NUP210: variants seen among roughly 807,000 people sequenced by gnomAD.
NUP210 encodes nucleoporin 210, also known as nuclear pore membrane glycoprotein 210.
A neutral mutation model predicts 196.0 loss-of-function variants in NUP210; 151 were observed. The ratio of observed to expected loss-of-function variants is 0.77; its 90% CI spans 0.67 to 0.88. The LOEUF (loss-of-function observed/expected upper bound fraction) is 0.88. Among genes scored for constraint, NUP210 ranks in the 40% least tolerant of loss-of-function variants. The pLI, the probability that NUP210 is intolerant of heterozygous loss-of-function variation, is 0.00. For synonymous variants in NUP210, 1,070 were observed against 1,052.7 expected (o/e 1.02, Z -0.32); for missense variants, 2,314 against 2,493.7 (o/e 0.93, Z 1.53).
chr3:13,330,619 A>G lies in NUP210; in HGVS notation c.3951T>C (p.Ser1317=). 1 of 1,614,118 alleles carries G rather than the reference A, an allele frequency of 6.2e-7. No individual in the cohort carries two copies. Among genetic ancestry groups the G allele is most frequent in the Non-Finnish European group, 8.5e-7 (1 of 1,179,986 alleles). ...GTCCATCCAGGACGCGGTAGCTCAG[A>G]GAGGCTGCACCATCCCTTTGGAAAA... is the stretch of plus-strand genomic sequence containing the variant. The part of the protein sequence containing the change: ...KLQTNRDGAA[S]LSYRVLDGPE... The change falls in exon 30 of 40, where the codon TCT becomes TCC. Residue 1317 remains serine (S), a synonymous_variant. Coordinates refer to ENST00000254508, the MANE Select transcript of NUP210 (RefSeq NM_024923.4).
intron 3 of NUP210, among the ~76,000 whole-genome samples, chr3:13,393,310 C>T (rs1699550385): frequency 6.6e-6 from 1 of 152,154 alleles, no homozygotes; most frequent in South Asian, 2.1e-4. Flanking sequence ...GGGAGAGAAT[C>T]ATGCCTGCAG....
chr3:13,337,857 G>T lies in NUP210; in HGVS notation c.3532C>A (p.Arg1178=), dbSNP rs201803331. 8 of 1,611,706 alleles carry T rather than the reference G, an allele frequency of 5.0e-6. No individual in the cohort carries two copies. The highest frequency in any genetic ancestry group is 2.2e-5 in the East Asian group (1 of 44,872). The part of the protein sequence containing the change: ...RAVRIRAPIM[R]MRTGTQMPIY... ...CTCACCTGGGTGCCCGTCCTCATCC[G>T]CATGATGGGGGCGCGGATCCTCACG... Residue 1178 remains arginine, a synonymous_variant, in exon 26 of 40, where the codon CGG becomes AGG. Transcript: ENST00000254508.
At chr3:13,411,389 AGCTGTGAG>A (rs1207912334) in intron 1 of NUP210, among the ~76,000 whole-genome samples, 1 of 152,244 alleles carries the variant, frequency 6.6e-6, no homozygotes, top group Non-Finnish European at 1.5e-5. Context: ...GCCACTAACC[AGCTGTGAG>A]GCTCTTGGAC....
chr3:13,369,954 T>C (rs960975392), intron 13 of NUP210, among the ~76,000 whole-genome samples: 2 of 152,142 alleles, frequency 1.3e-5, no homozygotes, highest in Admixed American at 6.5e-5. Context: ...CTCAGAGCCA[T>C]GATCAGAGTC....
At position 13,375,562 on chromosome 3, in the gene NUP210, G is replaced by C; in HGVS notation, c.1373C>G (p.Pro458Arg). 6.2e-7 allele frequency: 1 copy of C among 1,614,100 alleles called. No individual in the cohort carries two copies. The highest frequency in any genetic ancestry group is 1.1e-5 in the South Asian group (1 of 91,076). ...TTGCCACGGAAATGTCAAGATGCTG[G>C]GATACAGGGTGATCGGGATGTGAAT... is the stretch of plus-strand genomic sequence containing the variant. Reference protein sequence around the residue: ...VEIHIPITLYPSILTFPWQPK... With the variant: ...VEIHIPITLYRSILTFPWQPK... The change falls in exon 11 of 40, where the codon CCC (proline) becomes CGC (arginine). Residue 458 changes from proline (P) to arginine (R), a missense_variant. Transcript: ENST00000254508.
rs1350706625 is a variant in NUP210, at chr3:13,322,482, C to G, written c.4769-143G>C. 3.7e-6 allele frequency: 3 copies of G among 812,212 alleles called. No individual in the cohort carries two copies. In the African/African-American group the frequency reaches 5.1e-5, roughly 14 times the overall value. 50.3% of individuals were successfully genotyped at this position (812,212 alleles called of 1,614,324 possible). On this transcript the variant is annotated intron_variant, in intron 34 of 39. Transcript: ENST00000254508. ...AGCAGGGCCCCAGGGCGGCTCAAAG[C>G]TTTGAGATGCAGCCAGGATTGGTAA...
chr3:13,332,364 C>T lies in NUP210; in HGVS notation c.3864G>A (p.Leu1288=), dbSNP rs961636730. 3 of 1,613,294 alleles carry T rather than the reference C, an allele frequency of 1.9e-6. No homozygotes were observed. The African/African-American group carries it at 4.0e-5, about 22-fold the overall frequency. The change falls in exon 29 of 40, where the codon CTG becomes CTA. Residue 1288 remains leucine, a synonymous_variant. Transcript: ENST00000254508. ...IQVQVFEKLQ[L]LNPEIEAEQI... ...GTTCTGCTTCTATTTCAGGGTTGAG[C>T]AGCTGCAGCTTCTCAAACACCTGCA...
chr3:13,404,600 G>C (rs1217014886), intron 1 of NUP210, among the ~76,000 whole-genome samples: 2 of 152,270 alleles, frequency 1.3e-5, no homozygotes, highest in Non-Finnish European at 2.9e-5. Flanking sequence ...TAGGAAAACG[G>C]GACTGGTTTA....
intron 20 of NUP210, 39 bp from the exon 21 acceptor site, chr3:13,343,342 G>GGGGGGGGGGGT: frequency 6.1e-6 from 4 of 655,992 alleles, no homozygotes; most frequent in South Asian, 1.7e-5. Flanking sequence ...TGGGTGGTGG[G>GGGGGGGGGGGT]TTACGCAGCT....
At chr3:13,397,630 A>C in intron 2 of NUP210, 142 bp from the exon 3 acceptor site, 13 of 763,442 alleles carry the variant, frequency 1.7e-5, no homozygotes, top group Non-Finnish European at 2.3e-5. Flanking sequence ...TGCCTCACAC[A>C]TGGCCCCACT....
At chr3:13,356,510 G>A (rs1169368253) in intron 16 of NUP210, among the ~76,000 whole-genome samples, 4 of 152,184 alleles carry the variant, frequency 2.6e-5, no homozygotes, top group Non-Finnish European at 5.9e-5. Flanking sequence ...GGGTGTGGTG[G>A]CGCATGCCTG....
At position 13,379,590 on chromosome 3, in the gene NUP210, G is replaced by T; in HGVS notation, c.949C>A (p.Gln317Lys). The T allele has an allele frequency of 6.2e-7, 1 of 1,614,150 alleles. No homozygotes were observed. Among genetic ancestry groups the T allele is most frequent in the African/African-American group, 1.3e-5 (1 of 75,034 alleles). ...CTGTGGCCAAGGACGAGGCTGCTCT[G>T]TCCCAGCTGCAGTGCAGTGACCATC... ...TSMVTALQLG[Q>K]SSLVLGHRSI... Residue 317 changes from glutamine to lysine, a missense_variant, in exon 7 of 40, where the codon CAG (glutamine) becomes AAG (lysine). Coordinates refer to ENST00000254508, the MANE Select transcript of NUP210 (RefSeq NM_024923.4). This position sits in a 1 kb window ranked among gnomAD's most constrained non-coding sequence, Gnocchi z 4.2.
At chr3:13,353,196 G>A (rs1698041409) in intron 18 of NUP210, among the ~76,000 whole-genome samples, 1 of 152,124 alleles carries the variant, frequency 6.6e-6, no homozygotes, top group African/African-American at 2.4e-5. Context: ...GCCTCATCCT[G>A]GCATTTAGGG....
At chr3:13,378,210 C>T (rs989557155) in intron 8 of NUP210, among the ~76,000 whole-genome samples, 6 of 150,672 alleles carry the variant, frequency 4.0e-5, no homozygotes, top group African/African-American at 1.2e-4. Context: ...CACAACAGTT[C>T]TCTGCTTTGA....
chr3:13,396,465 T>C (rs1699657808), intron 3 of NUP210, among the ~76,000 whole-genome samples: 3 of 151,826 alleles, frequency 2.0e-5, no homozygotes. Flanking sequence ...TTTCCCTTAC[T>C]GGCCAGGTGC....
At chr3:13,326,844 C>A (rs1362804645) in intron 32 of NUP210, among the ~76,000 whole-genome samples, 1 of 152,252 alleles carries the variant, frequency 6.6e-6, no homozygotes, top group South Asian at 2.1e-4. Context: ...GGGACCCCCC[C>A]ACCGACTTGG....
intron 1 of NUP210, among the ~76,000 whole-genome samples, chr3:13,419,290 G>A (rs1700453509): frequency 6.6e-6 from 1 of 152,324 alleles, no homozygotes; most frequent in East Asian, 1.9e-4. Flanking sequence ...CCTTGCCAGG[G>A]GCAGGAGCTC....
At position 13,323,504 on chromosome 3, in the gene NUP210, C is replaced by T; in HGVS notation, c.4645-72G>A. ...GGTCCATGCTGGGCGTTTCCACAAC[C>T]TCACCCTGCAGTCTGTGACATAGTG... On this transcript the variant is annotated intron_variant, in intron 33 of 39. Transcript: ENST00000254508. This position sits in a 1 kb window ranked among gnomAD's most constrained non-coding sequence, Gnocchi z 4.3. The T allele has an allele frequency of 6.4e-7, 1 of 1,554,974 alleles. No homozygotes were observed. The highest frequency in any genetic ancestry group is 8.8e-7 in the Non-Finnish European group (1 of 1,134,426).
intron 6 of NUP210, among the ~76,000 whole-genome samples, chr3:13,381,183 T>C (rs11707261): frequency 0.59 from 89,222 of 152,176 alleles, 27,494 homozygotes; most frequent in African/African-American, 0.78. Context: ...TAAAATAACA[T>C]AGTTGCTCAA....
Sources: gnomAD v4.1 joint callset for allele counts (sites outside exome capture counted in the v4.1 genomes callset) on GRCh38, gnomAD v4.1.1 for gene constraint, Gnocchi (gnomAD v3.1) non-coding constraint, MANE v1.5 for transcripts, NCBI Gene and HGNC (gene_info 2026-07-23, HGNC 2026-07-21) for gene names.